Variants in GABRB1 observed in about 807,000 individuals in gnomAD.
GABRB1 encodes the protein gamma-aminobutyric acid receptor subunit beta-1.
GABRB1 carries 17 observed loss-of-function variants against 51.6 expected under a neutral mutation model. That is an observed-to-expected ratio of 0.33 (90% CI 0.23 to 0.49). The LOEUF (loss-of-function observed/expected upper bound fraction) is 0.49, where lower values mean the gene tolerates loss of function less well. GABRB1 is among the 20% of genes least tolerant of loss of function. The pLI, the probability that GABRB1 is intolerant of heterozygous loss-of-function variation, is 0.99. For missense variants in GABRB1, 410 were observed against 600.6 expected (o/e 0.68, Z 3.32); for synonymous variants, 247 against 218.9 (o/e 1.13, Z -1.14).
At chr4:47,207,050 C>T (rs921628056) in intron 4 of GABRB1, among the ~76,000 whole-genome samples, 3 of 151,766 alleles carry the variant, frequency 2.0e-5, no homozygotes, top group Non-Finnish European at 2.9e-5. Flanking sequence ...GAGATGGCTT[C>T]GAACCTAAGT....
At chr4:47,028,326 A>C (rs1725167193), upstream of GABRB1, among the ~76,000 whole-genome samples, 1 of 151,786 alleles carries the variant, frequency 6.6e-6, no homozygotes, top group African/African-American at 2.4e-5. Context: ...AATTACAAAC[A>C]ATCCAAATAC....
At chr4:47,351,980 G>A (rs914087997) in intron 5 of GABRB1, among the ~76,000 whole-genome samples, 146 of 152,130 alleles carry the variant, frequency 9.6e-4, no homozygotes, top group South Asian at 2.3e-3. Flanking sequence ...CTGAGGAATC[G>A]CCACACTAAC....
intron 4 of GABRB1, among the ~76,000 whole-genome samples, chr4:47,195,441 TAGATGATA>T (rs1323684702): frequency 6.3e-5 from 7 of 110,950 alleles, no homozygotes; most frequent in African/African-American, 2.7e-4. Context: ...GATAGATAGA[TAGATGATA>T]GATAGATTAG....
chr4:47,058,626 C>A (rs935090536), intron 3 of GABRB1, among the ~76,000 whole-genome samples: 2 of 152,094 alleles, frequency 1.3e-5, no homozygotes, highest in Non-Finnish European at 2.9e-5. Context: ...CAGAGGTGCC[C>A]TGGGGGTAAT....
At chr4:47,129,060 C>A (rs147367640) in intron 3 of GABRB1, among the ~76,000 whole-genome samples, 1 of 151,942 alleles carries the variant, frequency 6.6e-6, no homozygotes, top group African/African-American at 2.4e-5. Flanking sequence ...TTGTACAAAT[C>A]CAACACAAAA....
At chr4:47,288,966 T>A (rs543683620) in intron 4 of GABRB1, among the ~76,000 whole-genome samples, 2 of 152,320 alleles carry the variant, frequency 1.3e-5, no homozygotes, top group African/African-American at 4.8e-5. Flanking sequence ...AAAATATATT[T>A]ACTAGCATGG....
At position 47,127,710 on chromosome 4, in the gene GABRB1, C is replaced by T. The variant is rs112706243; in HGVS notation, c.241-33539C>T. On this transcript the variant is annotated intron_variant, in intron 3 of 8. Coordinates refer to ENST00000295454, the MANE Select transcript of GABRB1 (RefSeq NM_000812.4). ...TTCCCTTTCAACATCATCTTCACCT[C>T]TTACAAGCTGTATAATCTTAGGGAA... Among the ~76,000 whole-genome samples, 339 of 151,970 alleles carry T rather than the reference C, an allele frequency of 2.2e-3. 1 individual carries two copies. The highest frequency in any genetic ancestry group is 7.6e-3 in the African/African-American group (316 of 41,512).
intron 3 of GABRB1, among the ~76,000 whole-genome samples, chr4:47,047,362 A>G (rs1245805067): frequency 6.6e-6 from 1 of 152,122 alleles, no homozygotes; most frequent in African/African-American, 2.4e-5. Context: ...ATATTAACCT[A>G]CTTAATCTAT....
At chr4:47,258,361 C>T (rs966720654) in intron 4 of GABRB1, among the ~76,000 whole-genome samples, 6 of 152,122 alleles carry the variant, frequency 3.9e-5, no homozygotes, top group African/African-American at 1.4e-4. Context: ...ACCACAAATC[C>T]CTGAGCTTAT....
intron 3 of GABRB1, among the ~76,000 whole-genome samples, chr4:47,160,200 A>T (rs1384986746): frequency 6.6e-6 from 1 of 152,074 alleles, no homozygotes; most frequent in Non-Finnish European, 1.5e-5. Context: ...GTTCAGGGGG[A>T]TATCCTCTGT....
At chr4:47,078,398 C>T (rs1472820297) in intron 3 of GABRB1, among the ~76,000 whole-genome samples, 1 of 152,110 alleles carries the variant, frequency 6.6e-6, no homozygotes, top group East Asian at 1.9e-4. Context: ...CACTTAACCC[C>T]ACGTCCTTTC....
intron 4 of GABRB1, among the ~76,000 whole-genome samples, chr4:47,275,682 A>G (rs1333025061): frequency 2.0e-5 from 3 of 152,158 alleles, no homozygotes; most frequent in African/African-American, 7.2e-5. Context: ...AAGATCAGGA[A>G]ACCACCAGAC....
chr4:47,340,437 C>T (rs748314572), intron 5 of GABRB1, among the ~76,000 whole-genome samples: 25 of 152,062 alleles, frequency 1.6e-4, no homozygotes, highest in Middle Eastern at 3.4e-3. Context: ...ATGATACCTT[C>T]GAGGGGGTAG....
rs540501417 is a variant in GABRB1, at chr4:47,020,582, C to T, written c.-19-11332C>T. On this transcript the variant is annotated intron_variant, in intron 1 of 3. Transcript: ENST00000513567. ...TTCCATTTACTCAGCTCGAAGATAT[C>T]GGAGTCATCTTTTACTCACTTCTTT... Among the ~76,000 whole-genome samples, 20 of 152,278 alleles carry T rather than the reference C, an allele frequency of 1.3e-4. No homozygotes were observed. The East Asian group carries it at 2.1e-3, about 16-fold the overall frequency.
intron 4 of GABRB1, among the ~76,000 whole-genome samples, chr4:47,251,845 C>T (rs937658482): frequency 6.6e-6 from 1 of 152,124 alleles, no homozygotes; most frequent in African/African-American, 2.4e-5. Flanking sequence ...TGTGCCCCAC[C>T]TAACAGCCCT....
chr4:47,008,853 C>CTTTTTTTTTTTTTTTTTTTTTTTTTTTT (rs1491180948), intron 1 of GABRB1, among the ~76,000 whole-genome samples: 3 of 80,096 alleles, frequency 3.7e-5, no homozygotes, highest in African/African-American at 1.6e-4. Flanking sequence ...CAGATACTAC[C>CTTTTTTTTTTTTTTTTTTTTTTTTTTTT]TTTTTTTTTT....
chr4:47,135,144 A>T lies in GABRB1; in HGVS notation c.241-26105A>T, dbSNP rs192878419. Among the ~76,000 whole-genome samples, 98 of 152,236 alleles carry T rather than the reference A, an allele frequency of 6.4e-4. No individual in the cohort carries two copies. In the Middle Eastern group the frequency reaches 0.014, roughly 21 times the overall value. On this transcript the variant is annotated intron_variant, in intron 3 of 8. Coordinates refer to ENST00000295454, the MANE Select transcript of GABRB1 (RefSeq NM_000812.4). The stretch of plus-strand genomic sequence containing the variant: ...CAGAAAAAAAACATGTAAGGAGTAG[A>T]GGATAAAGTAGTAAAATATTTTCTT...
chr4:47,125,302 C>T (rs1716066246), intron 3 of GABRB1, among the ~76,000 whole-genome samples: 1 of 152,208 alleles, frequency 6.6e-6, no homozygotes, highest in South Asian at 2.1e-4. Context: ...CCCTGCCTTA[C>T]ACAAAATGTT....
At chr4:47,170,679 A>T (rs1293981084) in intron 4 of GABRB1, among the ~76,000 whole-genome samples, 1 of 152,206 alleles carries the variant, frequency 6.6e-6, no homozygotes, top group African/African-American at 2.4e-5. Context: ...GTATTTGCAG[A>T]GGAAGCTTGG....
Sources: gnomAD v4.1 joint callset for allele counts (sites outside exome capture counted in the v4.1 genomes callset) on GRCh38, gnomAD v4.1.1 for gene constraint, MANE v1.5 for transcripts, NCBI Gene and HGNC (gene_info 2026-07-23, HGNC 2026-07-21) for gene names.